Variants in BBS9 observed in about 807,000 individuals in gnomAD.
The protein encoded by BBS9 is protein PTHB1.
Under a neutral mutation model 117.7 loss-of-function variants are expected in BBS9, and 89 were observed. The observed-to-expected ratio is 0.76, with a 90% CI of 0.64 to 0.90. The LOEUF (loss-of-function observed/expected upper bound fraction) is 0.90. Ranked by LOEUF, BBS9 falls within the 40% of genes least tolerant of loss-of-function variation. The pLI, the probability that BBS9 is intolerant of heterozygous loss-of-function variation, is 0.00. For synonymous variants in BBS9, 379 were observed against 370.9 expected (o/e 1.02, Z -0.25); for missense variants, 982 against 1,042.2 (o/e 0.94, Z 0.80).
chr7:33,489,083 C>T (rs1038671221), intron 19 of BBS9, among the ~76,000 whole-genome samples: 4 of 149,726 alleles, frequency 2.7e-5, no homozygotes, highest in African/African-American at 9.8e-5. Context: ...ACCTCCGCCT[C>T]CTGGATTCAA....
intron 9 of BBS9, among the ~76,000 whole-genome samples, chr7:33,319,692 A>G (rs938244677): frequency 3.9e-5 from 6 of 152,228 alleles, no homozygotes; most frequent in African/African-American, 7.2e-5. Context: ...TGCAACAAAA[A>G]CAAAGATAGA....
intron 5 of BBS9, among the ~76,000 whole-genome samples, chr7:33,182,918 A>G (rs902926051): frequency 1.3e-5 from 2 of 152,130 alleles, no homozygotes; most frequent in Non-Finnish European, 2.9e-5. Flanking sequence ...GATGGGTAGC[A>G]GCCCATTTCC....
chr7:33,284,088 C>T (rs1802423169), intron 9 of BBS9, among the ~76,000 whole-genome samples: 1 of 152,156 alleles, frequency 6.6e-6, no homozygotes, highest in Admixed American at 6.6e-5. Flanking sequence ...TGATGTCACT[C>T]CTTCTGTATC....
intron 21 of BBS9, among the ~76,000 whole-genome samples, chr7:33,573,155 T>C (rs1858117814): frequency 6.6e-6 from 1 of 152,094 alleles, no homozygotes; most frequent in Non-Finnish European, 1.5e-5. Flanking sequence ...AATTTTCTGG[T>C]ACAATAAGAC....
chr7:33,182,646 TATA>T (rs1050421350), intron 5 of BBS9, among the ~76,000 whole-genome samples: 1 of 152,234 alleles, frequency 6.6e-6, no homozygotes, highest in Admixed American at 6.5e-5. Context: ...TTAATTTTTT[TATA>T]ATATTTAAGT....
At chr7:33,622,492 G>T (rs1865458278) in intron 21 of BBS9, among the ~76,000 whole-genome samples, 2 of 152,232 alleles carry the variant, frequency 1.3e-5, no homozygotes, top group Admixed American at 1.3e-4. Context: ...TGAAATACTA[G>T]ATATGTTAAT....
intron 19 of BBS9, among the ~76,000 whole-genome samples, chr7:33,416,670 A>C (rs1487140542): frequency 6.6e-6 from 1 of 152,202 alleles, no homozygotes; most frequent in East Asian, 1.9e-4. Flanking sequence ...TCAACAGTGC[A>C]TGTGACAGCC....
At chr7:33,562,707 C>A (rs866340121) in intron 21 of BBS9, among the ~76,000 whole-genome samples, 1 of 152,120 alleles carries the variant, frequency 6.6e-6, no homozygotes, top group African/African-American at 2.4e-5. Context: ...GGGTGGACCA[C>A]GAGGTCAGGA....
intron 17 of BBS9, among the ~76,000 whole-genome samples, chr7:33,370,006 T>G (rs758954683): frequency 1.3e-5 from 2 of 152,208 alleles, no homozygotes; most frequent in Non-Finnish European, 2.9e-5. Flanking sequence ...TGCTTGGTAA[T>G]CAACCAAGCC....
At chr7:33,195,412 A>G (rs553131201) in intron 5 of BBS9, among the ~76,000 whole-genome samples, 34 of 152,128 alleles carry the variant, frequency 2.2e-4, no homozygotes, top group Non-Finnish European at 3.8e-4. Context: ...GGCATGGGTT[A>G]TTGTGGTCAC....
chr7:33,274,994 CAA>C (rs763041758), intron 9 of BBS9, among the ~76,000 whole-genome samples: 8 of 58,694 alleles, frequency 1.4e-4, no homozygotes, highest in African/African-American at 4.5e-4. Context: ...GACTGTGTCT[CAA>C]AAAAAAAAAA....
intron 21 of BBS9, among the ~76,000 whole-genome samples, chr7:33,582,027 T>TTATTC (rs1459086718): frequency 6.6e-6 from 1 of 152,122 alleles, no homozygotes; most frequent in African/African-American, 2.4e-5. Flanking sequence ...ACATTGTGAT[T>TTATTC]TTTTCTTTTC....
intron 19 of BBS9, among the ~76,000 whole-genome samples, chr7:33,503,183 C>T (rs1845679740): frequency 1.3e-5 from 2 of 152,044 alleles, no homozygotes. Flanking sequence ...AACGCAAGCT[C>T]AAAAATAAAA....
chr7:33,344,569 C>A lies in BBS9; in HGVS notation c.1276-12C>A. ...ATCATTCTTTCTTGCCTTCTCAATTCTGTGTTTACAGCAAGCGACCGATGT... is the reference window on the plus strand; with the variant it reads ...ATCATTCTTTCTTGCCTTCTCAATTATGTGTTTACAGCAAGCGACCGATGT... On this transcript the variant is annotated splice_polypyrimidine_tract_variant and intron_variant, in intron 11 of 22. Transcript: ENST00000242067. 2 of 1,613,712 alleles carry A rather than the reference C, an allele frequency of 1.2e-6. 1 individual carries two copies. The highest frequency in any genetic ancestry group is 2.2e-5 in the South Asian group (2 of 91,054).
intron 21 of BBS9, among the ~76,000 whole-genome samples, chr7:33,545,558 C>T (rs1222950847): frequency 6.6e-6 from 1 of 152,078 alleles, no homozygotes; most frequent in Non-Finnish European, 1.5e-5. Flanking sequence ...TTGAGGGGGT[C>T]TCCCAAGTCT....
intron 13 of BBS9, 75 bp downstream of exon 13, chr7:33,349,245 C>A: frequency 2.9e-6 from 3 of 1,022,500 alleles, no homozygotes; most frequent in Non-Finnish European, 4.6e-6. Flanking sequence ...CATTTAATGG[C>A]TATTATTTCA....
At chr7:33,450,766 G>A (rs1837688234) in intron 19 of BBS9, among the ~76,000 whole-genome samples, 1 of 151,680 alleles carries the variant, frequency 6.6e-6, no homozygotes. Context: ...ATATATTCTG[G>A]ATATTAATTC....
At chr7:33,504,153 T>C (rs1170845074) in intron 19 of BBS9, among the ~76,000 whole-genome samples, 15 of 152,212 alleles carry the variant, frequency 9.9e-5, no homozygotes, top group Admixed American at 9.8e-4. Context: ...ACTAGGCACA[T>C]AGCAAGCAAT....
At chr7:33,568,372 C>G (rs534027988) in intron 21 of BBS9, among the ~76,000 whole-genome samples, 3 of 152,276 alleles carry the variant, frequency 2.0e-5, no homozygotes, top group Non-Finnish European at 4.4e-5. Context: ...CTTCCTCCCA[C>G]TTAACCAGAG....
Sources: allele counts gnomAD v4.1 joint callset (sites outside exome capture counted in the v4.1 genomes callset), GRCh38; gene constraint gnomAD v4.1.1; transcripts MANE v1.5; gene names NCBI Gene and HGNC (gene_info 2026-07-23, HGNC 2026-07-21).